Variants in USP34 observed in about 807,000 individuals in gnomAD.
USP34 encodes the protein ubiquitin carboxyl-terminal hydrolase 34.
USP34 carries 70 observed loss-of-function variants against 460.3 expected under a neutral mutation model. The ratio of observed to expected loss-of-function variants is 0.15; its 90% confidence interval spans 0.13 to 0.19. The LOEUF is 0.19. Ranked by LOEUF, USP34 falls within the 10% of genes least tolerant of loss-of-function variation. USP34 has a pLI of 1.00. For missense variants in USP34, 3,985 were observed against 4,236.2 expected, an observed-to-expected ratio of 0.94 and a Z score of 1.65; for synonymous variants, 1,647 against 1,405.3, an observed-to-expected ratio of 1.17 and a Z score of -3.85.
chr2:61,346,242 G>A (rs1003859244), intron 15 of USP34: 2 of 151,836 alleles, frequency 1.3e-5, no homozygotes, highest in Non-Finnish European at 2.9e-5. Context: ...TCTAGGCTGG[G>A]TATAAGTAGC....
At chr2:61,428,789 G>A (rs1694582361) in intron 1 of USP34, among the ~76,000 whole-genome samples, 1 of 152,194 alleles carries the variant, frequency 6.6e-6, no homozygotes, top group South Asian at 2.1e-4. Context: ...TGCCGATTCA[G>A]AGGTAACTCC....
At chr2:61,467,949 C>G (rs947015540) in intron 1 of USP34, among the ~76,000 whole-genome samples, 1 of 151,902 alleles carries the variant, frequency 6.6e-6, no homozygotes, top group South Asian at 2.1e-4. Context: ...TCTAAATCAA[C>G]GTTGAACTGA....
intron 1 of USP34, among the ~76,000 whole-genome samples, chr2:61,436,185 G>C (rs988952880): frequency 5.3e-5 from 8 of 151,690 alleles, no homozygotes; most frequent in African/African-American, 1.9e-4. Context: ...AAAAAAATTG[G>C]CTGGGCACAG....
In USP34 at chr2:61,331,263, G is replaced by A. The variant is rs762569767; in HGVS notation, c.2930+13C>T. 3 of 1,596,126 alleles carry A rather than the reference G, an allele frequency of 1.9e-6. No homozygotes were observed. In the African/African-American group the frequency reaches 4.0e-5, roughly 21 times the overall value. On this transcript the variant is annotated intron_variant, in intron 20 of 79. Transcript: ENST00000398571. ...CGACACAAATGTATTTAACCCAGTT[G>A]AGAGGTACTTACAGTGCATGTTTTT...
At chr2:61,379,290 G>A (rs191097186) in intron 7 of USP34, among the ~76,000 whole-genome samples, 4 of 152,188 alleles carry the variant, frequency 2.6e-5, no homozygotes, top group South Asian at 2.1e-4. Flanking sequence ...AGGATGAGGC[G>A]GGTGGATCAC....
intron 16 of USP34, 138 bp from the exon 17 acceptor site, chr2:61,339,819 A>ATTTTGTTTTGTTTTGT (rs1691532936): frequency 2.3e-6 from 1 of 431,250 alleles, no homozygotes; most frequent in Non-Finnish European, 4.0e-6. Context: ...TTAGCACAAT[A>ATTTTGTTTTGTTTTGT]TTTTGTTTTG....
At chr2:61,384,753 G>T (rs575292845) in intron 5 of USP34, among the ~76,000 whole-genome samples, 1 of 152,088 alleles carries the variant, frequency 6.6e-6, no homozygotes, top group Non-Finnish European at 1.5e-5. Flanking sequence ...AATAAAAGAC[G>T]TCTATAAAAA....
In USP34 at chr2:61,387,928, TACACACACACACAC is replaced by T. The variant is rs36116916; in HGVS notation, c.754-4606_754-4593del. 4.0e-4 allele frequency among the ~76,000 whole-genome samples: 57 copies of T among 142,660 alleles called. 1 individual carries two copies. The highest frequency in any genetic ancestry group is 3.5e-3 in the Middle Eastern group (1 of 284). The allele number at this position is 142,660 out of a possible 152,430, so 93.6% of individuals were successfully genotyped here. On this transcript the variant is annotated intron_variant, in intron 5 of 79. Transcript: ENST00000398571. The stretch of plus-strand genomic sequence containing the variant: ...ATAAGCATATGTAAAAATATATTTA[TACACACACACACAC>T]ACACACACACACACACATATATATA...
Position 61,350,778 on chromosome 2 carries a change from A to G in USP34, c.1252-85T>C, listed in dbSNP as rs543322850. ...TGATATAAAAACAGTTTGAAAGTCA[A>G]AAAGTTGGCCAGTACACTAATATTT... On this transcript the variant is annotated intron_variant, in intron 10 of 79. Transcript: ENST00000398571. 25 of 1,445,148 alleles carry G rather than the reference A, an allele frequency of 1.7e-5. No individual in the cohort carries two copies. In the African/African-American group the frequency reaches 3.0e-4, roughly 18 times the overall value. The allele number at this position is 1,445,148 out of a possible 1,614,324, so 89.5% of individuals were successfully genotyped here.
chr2:61,393,034 CAA>C (rs1305135018), intron 5 of USP34, among the ~76,000 whole-genome samples: 1 of 152,188 alleles, frequency 6.6e-6, no homozygotes. Context: ...CTTTATATGT[CAA>C]GTGTTACATT....
At position 61,303,516 on chromosome 2, in the gene USP34, A is replaced by G. The variant is rs575445636; in HGVS notation, c.3818-2062T>C. Among the ~76,000 whole-genome samples the G allele has an allele frequency of 2.8e-4, 43 of 152,294 alleles. 1 individual carries two copies. The South Asian group carries it at 5.0e-3, about 18-fold the overall frequency. On this transcript the variant is annotated intron_variant, in intron 27 of 79. Coordinates refer to ENST00000398571, the MANE Select transcript of USP34 (RefSeq NM_014709.4). ...TTCAAATCATTTTGTATTATACAAA[A>G]CCAGAAGAAAAGTAAATGCTTATGA...
intron 1 of USP34, among the ~76,000 whole-genome samples, chr2:61,450,489 C>T (rs1184484454): frequency 6.6e-6 from 1 of 152,010 alleles, no homozygotes; most frequent in Non-Finnish European, 1.5e-5. Context: ...CCCAATAGTT[C>T]ACTATAGCTG....
rs149872809 is a variant in USP34 at position 61,333,187 on chromosome 2, A to G, written c.2834+695T>C. 2.6e-4 allele frequency among the ~76,000 whole-genome samples: 40 copies of G among 152,192 alleles called. No homozygotes were observed. In the East Asian group the frequency reaches 7.7e-3, roughly 29 times the overall value. On this transcript the variant is annotated intron_variant, in intron 19 of 79. Coordinates refer to ENST00000398571, the MANE Select transcript of USP34 (RefSeq NM_014709.4). The stretch of plus-strand genomic sequence containing the variant: ...CAAAACATGGGGTCGATTTCACATA[A>G]AAGTTCTACCTCTGGAAGAATTATT...
rs994916610 is a variant in USP34, at chr2:61,317,783, G to C, written c.3169-16C>G. The C allele has an allele frequency of 1.3e-6, 2 of 1,592,104 alleles. No individual in the cohort carries two copies. The highest frequency in any genetic ancestry group is 1.1e-5 in the South Asian group (1 of 89,086). ...GCTGGGGCATCTTTGGAAGGGTAGG[G>C]GGAAACACAAAGCTAATTTAGTGTG... On this transcript the variant is annotated splice_polypyrimidine_tract_variant and intron_variant, in intron 22 of 79. Transcript: ENST00000398571.
At position 61,295,308 on chromosome 2, in the gene USP34, T is replaced by A; in HGVS notation, c.4255-18A>T. ...TCATTACTCTTAAATTAGAAAAACA[T>A]GTTTCTCAAGCCAACTTACTCAGGG... is the stretch of plus-strand genomic sequence containing the variant. On this transcript the variant is annotated intron_variant, in intron 30 of 79. Transcript: ENST00000398571. 1 of 1,575,044 alleles carries A rather than the reference T, an allele frequency of 6.3e-7. No homozygotes were observed. The highest frequency in any genetic ancestry group is 8.6e-7 in the Non-Finnish European group (1 of 1,165,564).
intron 10 of USP34, among the ~76,000 whole-genome samples, chr2:61,354,190 GACCCCTATCGATAC>G (rs1692038121): frequency 6.6e-6 from 1 of 152,036 alleles, no homozygotes; most frequent in East Asian, 1.9e-4. Flanking sequence ...CACTCAAAAA[GACCCCTATCGATAC>G]ACAATGCAAT....
At chr2:61,217,146 C>T (rs1185666877) in intron 67 of USP34, among the ~76,000 whole-genome samples, 1 of 151,992 alleles carries the variant, frequency 6.6e-6, no homozygotes, top group Non-Finnish European at 1.5e-5. Flanking sequence ...AGTTCTGCTT[C>T]AGAAAAAAAC....
At chr2:61,306,719 C>T (rs1337978757) in intron 27 of USP34, among the ~76,000 whole-genome samples, 2 of 152,152 alleles carry the variant, frequency 1.3e-5, no homozygotes, top group Admixed American at 1.3e-4. Context: ...AAAAAATGCT[C>T]ATCATCACTG....
At chr2:61,217,789 C>T (rs971095558) in intron 67 of USP34, among the ~76,000 whole-genome samples, 11 of 152,022 alleles carry the variant, frequency 7.2e-5, no homozygotes, top group African/African-American at 2.4e-4. Context: ...CCCGTCTCTA[C>T]TAAAAATACA....
Sources: allele counts gnomAD v4.1 joint callset (sites outside exome capture counted in the v4.1 genomes callset), GRCh38; gene constraint gnomAD v4.1.1; transcripts MANE v1.5; gene names NCBI Gene and HGNC (gene_info 2026-07-23, HGNC 2026-07-21).